The following ORC4 variants were observed in gnomAD, a reference collection of about 807,000 sequenced individuals.
ORC4 encodes the protein origin recognition complex subunit 4.
ORC4 carries 55 observed loss-of-function variants against 63.9 expected under a neutral mutation model. That is an observed-to-expected ratio of 0.86 (90% CI 0.69 to 1.08). The LOEUF (loss-of-function observed/expected upper bound fraction) is 1.08, where lower values mean the gene tolerates loss of function less well. Among genes scored for constraint, ORC4 ranks in the 50% least tolerant of loss-of-function variants. The pLI, the probability that ORC4 is intolerant of heterozygous loss-of-function variation, is 0.00. For synonymous variants in ORC4, 150 were observed against 168.5 expected, an observed-to-expected ratio of 0.89 and a Z score of 0.85; for missense variants, 511 against 504.4, an observed-to-expected ratio of 1.01 and a Z score of -0.13.
At chr2:148,004,396 T>G (rs917853430) in intron 1 of ORC4, among the ~76,000 whole-genome samples, 1 of 152,206 alleles carries the variant, frequency 6.6e-6, no homozygotes, top group Non-Finnish European at 1.5e-5. Context: ...AGCAGCATAG[T>G]ACTGGTACCA....
chr2:147,959,205 T>C (rs1030983263), intron 4 of ORC4, among the ~76,000 whole-genome samples: 2 of 152,150 alleles, frequency 1.3e-5, no homozygotes, highest in East Asian at 3.9e-4. Flanking sequence ...AGTTAGTACA[T>C]TACACATCTC....
intron 1 of ORC4, among the ~76,000 whole-genome samples, chr2:147,979,763 T>G (rs1001990971): frequency 3.3e-5 from 5 of 152,020 alleles, no homozygotes; most frequent in African/African-American, 1.2e-4. Flanking sequence ...AGTCGAGAAA[T>G]AAATCCATAC....
Position 147,934,726 on chromosome 2 carries a change from A to G in ORC4, c.*784T>C, listed in dbSNP as rs925494348. On this transcript the variant is annotated 3_prime_UTR_variant, in exon 14 of 14. Coordinates refer to ENST00000392857, the MANE Select transcript of ORC4 (RefSeq NM_181741.4). ...TGTAGGCAACTGTAACACAATGGTA[A>G]AACATTTGTATATTTAGACATAGAA... 7 of 152,216 alleles carry G rather than the reference A, an allele frequency of 4.6e-5. No homozygotes were observed. The highest frequency in any genetic ancestry group is 1.7e-4 in the African/African-American group (7 of 41,460). The allele number at this position is 152,216 out of a possible 1,614,324, so 9.4% of individuals were successfully genotyped here.
At chr2:147,985,035 T>G (rs1691112979) in intron 1 of ORC4, among the ~76,000 whole-genome samples, 1 of 152,284 alleles carries the variant, frequency 6.6e-6, no homozygotes, top group East Asian at 1.9e-4. Context: ...CTCTTGAGGT[T>G]TCATGAGTAC....
At chr2:148,008,981 A>AAT (rs1264534666) in intron 1 of ORC4, among the ~76,000 whole-genome samples, 1 of 152,146 alleles carries the variant, frequency 6.6e-6, no homozygotes, top group African/African-American at 2.4e-5. Flanking sequence ...AAAATATAAA[A>AAT]ATATATAGAG....
At chr2:147,995,636 G>A (rs893020875) in intron 1 of ORC4, among the ~76,000 whole-genome samples, 15 of 151,478 alleles carry the variant, frequency 9.9e-5, no homozygotes, top group Non-Finnish European at 1.9e-4. Flanking sequence ...CCCACTGGGA[G>A]GAACAAACAA....
chr2:147,977,627 T>C (rs551258429), intron 1 of ORC4, among the ~76,000 whole-genome samples: 7 of 152,310 alleles, frequency 4.6e-5, no homozygotes, highest in African/African-American at 1.4e-4. Context: ...GGTCCAGGCT[T>C]CAGACTTGGA....
intron 1 of ORC4, among the ~76,000 whole-genome samples, chr2:147,978,120 G>T (rs1036010568): frequency 2.0e-5 from 3 of 152,194 alleles, no homozygotes; most frequent in Non-Finnish European, 2.9e-5. Flanking sequence ...CAGGATGCTG[G>T]GTAGGCAGAA....
chr2:147,975,771 T>C (rs1483541231), intron 2 of ORC4, 131 bp downstream of exon 2: 3 of 705,066 alleles, frequency 4.3e-6, no homozygotes, highest in Non-Finnish European at 5.2e-6. Context: ...CTCGTACTGA[T>C]ATCTCCCTAA....
At chr2:147,987,607 G>A (rs546560137) in intron 1 of ORC4, among the ~76,000 whole-genome samples, 1 of 152,024 alleles carries the variant, frequency 6.6e-6, no homozygotes, top group Non-Finnish European at 1.5e-5. Flanking sequence ...CCAAAAAAAA[G>A]CATTTAAGGA....
chr2:147,983,020 A>T (rs542523271), intron 1 of ORC4, among the ~76,000 whole-genome samples: 3 of 152,358 alleles, frequency 2.0e-5, no homozygotes, highest in African/African-American at 7.2e-5. Flanking sequence ...AAGTAAAACC[A>T]TAGTAAGATA....
At chr2:147,970,950 G>A (rs549835240) in intron 4 of ORC4, among the ~76,000 whole-genome samples, 3 of 151,846 alleles carry the variant, frequency 2.0e-5, no homozygotes, top group Non-Finnish European at 4.4e-5. Flanking sequence ...GGGAAACATG[G>A]GGAGACCTCG....
chr2:147,948,995 G>GCATATTATATATAATATATATAATT (rs1688804004), intron 8 of ORC4, among the ~76,000 whole-genome samples: 6 of 143,108 alleles, frequency 4.2e-5, no homozygotes, highest in Admixed American at 2.8e-4. Flanking sequence ...ATAGTACACA[G>GCATATTATATATAATATATATAATT]CATATTATAT....
At chr2:148,005,621 C>G (rs1032316329) in intron 1 of ORC4, among the ~76,000 whole-genome samples, 2 of 130,714 alleles carry the variant, frequency 1.5e-5, no homozygotes, top group Non-Finnish European at 3.1e-5. Flanking sequence ...GGAATCATCC[C>G]GTAGCAGGAA....
intron 10 of ORC4, among the ~76,000 whole-genome samples, chr2:147,942,078 G>A (rs1688396631): frequency 2.0e-5 from 3 of 151,974 alleles, no homozygotes; most frequent in Non-Finnish European, 4.4e-5. Context: ...GCTTTAAGGA[G>A]CCTCAATTTC....
chr2:147,944,575 A>G (rs1688551168), intron 9 of ORC4, among the ~76,000 whole-genome samples: 1 of 152,038 alleles, frequency 6.6e-6, no homozygotes, highest in African/African-American at 2.4e-5. Flanking sequence ...GGTGAGGAAC[A>G]CTGGCATTGA....
chr2:148,018,635 T>C (rs546163138), intron 1 of ORC4, among the ~76,000 whole-genome samples: 2 of 152,304 alleles, frequency 1.3e-5, no homozygotes, highest in Admixed American at 6.5e-5. Flanking sequence ...AATGTACTAA[T>C]AGAGTTATAT....
rs66919703 is a variant in ORC4, at chr2:147,943,530, GAAAA to G, written c.763-12_763-9del. Reference sequence around the variant, plus strand: ...TCTATCTTCTGAGAGATACTAAAAGGAAAAAAAAAAAAAAAGCCAAAATTGAGGA... The same window carrying G: ...TCTATCTTCTGAGAGATACTAAAAGGAAAAAAAAAAAGCCAAAATTGAGGA... On this transcript the variant is annotated splice_polypyrimidine_tract_variant and intron_variant, in intron 9 of 13. Coordinates refer to ENST00000392857, the MANE Select transcript of ORC4 (RefSeq NM_181741.4). 276 of 1,167,740 alleles carry G rather than the reference GAAAA, an allele frequency of 2.4e-4. No individual in the cohort carries two copies. Among genetic ancestry groups the G allele is most frequent in the Admixed American group, 3.7e-4 (19 of 51,356 alleles). The allele number at this position is 1,167,740 out of a possible 1,614,324, so 72.3% of individuals were successfully genotyped here. A position where few individuals can be genotyped will look rare whatever the true frequency, so the allele number is the denominator to read the frequency against.
intron 1 of ORC4, among the ~76,000 whole-genome samples, chr2:147,997,314 G>A (rs1047842136): frequency 5.3e-5 from 8 of 152,196 alleles, no homozygotes; most frequent in East Asian, 1.9e-4. Flanking sequence ...GAATGATACT[G>A]TAATAATGGA....
Sources: allele counts gnomAD v4.1 joint callset (sites outside exome capture counted in the v4.1 genomes callset), GRCh38; gene constraint gnomAD v4.1.1; transcripts MANE v1.5; gene names NCBI Gene and HGNC (gene_info 2026-07-23, HGNC 2026-07-21).